Variants in LINGO1 observed in about 807,000 individuals in gnomAD.
LINGO1 encodes the protein leucine rich repeat and Ig domain containing 1.
In LINGO1, 11 loss-of-function variants were observed where a neutral mutation model predicts 37.3. That is an observed-to-expected ratio of 0.29 (90% CI 0.19 to 0.49). LINGO1 has a LOEUF of 0.49. Among genes scored for constraint, LINGO1 ranks in the 20% least tolerant of loss-of-function variants. The pLI is 0.99. For missense variants in LINGO1, 585 were observed against 878.2 expected (o/e 0.67, Z 4.22); for synonymous variants, 387 against 403.0 (o/e 0.96, Z 0.48).
At chr15:77,810,156 C>T (rs1336809516) in intron 1 of LINGO1, among the ~76,000 whole-genome samples, 1 of 151,974 alleles carries the variant, frequency 6.6e-6, no homozygotes, top group Non-Finnish European at 1.5e-5. Context: ...CAGGACACTC[C>T]ACTGAGGCCT....
intron 1 of LINGO1, among the ~76,000 whole-genome samples, chr15:77,765,429 A>G (rs895622382): frequency 6.6e-6 from 1 of 151,008 alleles, no homozygotes; most frequent in African/African-American, 2.5e-5. Flanking sequence ...AAAAAAAAAA[A>G]CCAGAACTGT....
intron 1 of LINGO1, among the ~76,000 whole-genome samples, chr15:77,775,992 C>T (rs2076634102): frequency 6.6e-6 from 1 of 152,164 alleles, no homozygotes; most frequent in South Asian, 2.1e-4. Flanking sequence ...CCATCCATCC[C>T]TCTCAATGTC....
At chr15:77,703,055 C>T (rs1406667875) in intron 2 of LINGO1, among the ~76,000 whole-genome samples, 1 of 152,222 alleles carries the variant, frequency 6.6e-6, no homozygotes, top group Non-Finnish European at 1.5e-5. Flanking sequence ...GAGCACATTG[C>T]TTTGCCTTAC....
intron 2 of LINGO1, among the ~76,000 whole-genome samples, chr15:77,725,908 C>T (rs890224430): frequency 2.6e-5 from 4 of 152,242 alleles, no homozygotes; most frequent in Non-Finnish European, 5.9e-5. Context: ...CCCACCACTA[C>T]TCCTGTATCC....
chr15:77,760,963 G>A (rs1395078872), intron 1 of LINGO1, among the ~76,000 whole-genome samples: 3 of 122,846 alleles, frequency 2.4e-5, no homozygotes, highest in Non-Finnish European at 4.7e-5. Context: ...GTCTCACTCT[G>A]TCACCCAGGC....
intron 1 of LINGO1, among the ~76,000 whole-genome samples, chr15:77,624,716 G>A (rs563981558): frequency 1.3e-5 from 2 of 152,246 alleles, no homozygotes; most frequent in East Asian, 3.9e-4. Context: ...CCACCCTGCT[G>A]TGTGATCTCG....
At chr15:77,751,087 G>A (rs930547010) in intron 1 of LINGO1, among the ~76,000 whole-genome samples, 3 of 152,094 alleles carry the variant, frequency 2.0e-5, no homozygotes, top group Non-Finnish European at 2.9e-5. Context: ...TGTCCAGGGC[G>A]GGGCACAGAG....
At chr15:77,663,172 T>G (rs1013725031) in intron 3 of LINGO1, among the ~76,000 whole-genome samples, 1 of 152,124 alleles carries the variant, frequency 6.6e-6, no homozygotes, top group African/African-American at 2.4e-5. Context: ...CAGTAAACAT[T>G]CCCCACGCAT....
intron 1 of LINGO1, among the ~76,000 whole-genome samples, chr15:77,781,942 C>A (rs77323663): frequency 6.6e-6 from 1 of 152,290 alleles, no homozygotes; most frequent in Non-Finnish European, 1.5e-5. Context: ...TCAGAGGCCC[C>A]GCATGGGAAG....
intron 2 of LINGO1, among the ~76,000 whole-genome samples, chr15:77,732,253 G>A (rs1256044502): frequency 1.3e-5 from 2 of 152,224 alleles, no homozygotes; most frequent in Admixed American, 6.5e-5. Flanking sequence ...CAGAGGGCTG[G>A]CAGAAAGAGC....
rs2076831147 is a variant in LINGO1 at position 77,793,124 on chromosome 15, C to T, written c.-343+2815G>A. ...AGGCTGGTCTGACCAGCTGTGCTGACCCAGGAGTCTGTAAGTATTCAGAGT... is the reference window on the plus strand; with the variant it reads ...AGGCTGGTCTGACCAGCTGTGCTGATCCAGGAGTCTGTAAGTATTCAGAGT... On this transcript the variant is annotated intron_variant, in intron 2 of 5. Transcript: ENST00000562933. Among the ~76,000 whole-genome samples, 3 of 152,250 alleles carry T rather than the reference C, an allele frequency of 2.0e-5. No individual in the cohort carries two copies. In the South Asian group the frequency reaches 6.2e-4, roughly 32 times the overall value.
chr15:77,798,479 C>A (rs1043910955), intron 1 of LINGO1, among the ~76,000 whole-genome samples: 2 of 152,192 alleles, frequency 1.3e-5, no homozygotes, highest in African/African-American at 2.4e-5. Flanking sequence ...CCGCTCCCTT[C>A]CCCCCAAACC....
intron 1 of LINGO1, among the ~76,000 whole-genome samples, chr15:77,623,065 C>T (rs1360061677): frequency 1.3e-5 from 2 of 152,220 alleles, no homozygotes; most frequent in African/African-American, 4.8e-5. Context: ...CCTGCAGACG[C>T]ACCCACATCA....
chr15:77,739,391 G>T (rs2076237732), intron 1 of LINGO1, among the ~76,000 whole-genome samples: 1 of 152,006 alleles, frequency 6.6e-6, no homozygotes, highest in Non-Finnish European at 1.5e-5. Context: ...ATTTAAAAGG[G>T]CCAGGGACAA....
chr15:77,709,465 G>T lies in LINGO1; in HGVS notation c.-194-18564C>A, dbSNP rs574010083. ...TCAAGAGCACAAAGTGGCCAGTCAG[G>T]GACAGCGGCAGGCCTGGAATCCCAG... is the stretch of plus-strand genomic sequence containing the variant. On this transcript the variant is annotated intron_variant, in intron 2 of 3. Transcript: ENST00000561686. Among the ~76,000 whole-genome samples the T allele has an allele frequency of 5.9e-5, 9 of 152,356 alleles. No individual in the cohort carries two copies. In the East Asian group the frequency reaches 1.5e-3, roughly 26 times the overall value.
chr15:77,768,027 CAGGG>C (rs1372622631), intron 1 of LINGO1, among the ~76,000 whole-genome samples: 1 of 152,214 alleles, frequency 6.6e-6, no homozygotes, highest in African/African-American at 2.4e-5. Context: ...GCAAATGGCC[CAGGG>C]AAGGACAGAA....
intron 1 of LINGO1, among the ~76,000 whole-genome samples, chr15:77,762,564 AT>A (rs1169070604): frequency 1.3e-5 from 2 of 152,128 alleles, no homozygotes; most frequent in Non-Finnish European, 2.9e-5. Context: ...AGCCCCCTAA[AT>A]TCCTGGGCTT....
At chr15:77,622,674 C>A (rs1488870404) in intron 1 of LINGO1, among the ~76,000 whole-genome samples, 3 of 152,202 alleles carry the variant, frequency 2.0e-5, no homozygotes, top group African/African-American at 7.2e-5. Flanking sequence ...GGGAACTGTG[C>A]CTGCTCAGAG....
intron 1 of LINGO1, among the ~76,000 whole-genome samples, chr15:77,772,144 C>T (rs1291058458): frequency 6.6e-6 from 1 of 152,176 alleles, no homozygotes; most frequent in African/African-American, 2.4e-5. Context: ...TGCTCCAGGG[C>T]CAAGGCTGGC....
Sources: gnomAD v4.1 joint callset for allele counts (sites outside exome capture counted in the v4.1 genomes callset) on GRCh38, gnomAD v4.1.1 for gene constraint, MANE v1.5 for transcripts, NCBI Gene and HGNC (gene_info 2026-07-23, HGNC 2026-07-21) for gene names.